Variants in DYRK4 observed in about 807,000 individuals in gnomAD.
The protein encoded by DYRK4 is dual specificity tyrosine-phosphorylation-regulated kinase 4.
A neutral mutation model predicts 68.3 loss-of-function variants in DYRK4; 64 were observed. The ratio of observed to expected loss-of-function variants is 0.94; its 90% CI spans 0.77 to 1.15. DYRK4 has a LOEUF of 1.15. Among genes scored for constraint, DYRK4 ranks in the 50% most tolerant of loss-of-function variants. DYRK4 has a pLI of 0.00. For synonymous variants in DYRK4, 274 were observed against 289.9 expected (o/e 0.95, Z 0.56); for missense variants, 740 against 764.7 (o/e 0.97, Z 0.38).
intron 10 of DYRK4, chr12:4,602,247 G>T: frequency 9.3e-7 from 1 of 1,070,260 alleles, no homozygotes; most frequent in Non-Finnish European, 1.4e-6. Flanking sequence ...TCATTTCTAA[G>T]ACCTGCTCTC....
rs1025805807 is a variant in DYRK4, at chr12:4,596,178, T to C, written c.657T>C (p.Tyr219=). Residue 219 remains tyrosine (Y), a synonymous_variant, in exon 7 of 15, where the codon TAT becomes TAC. Transcript: ENST00000543431. ...TGCATGATCACATTGCCTACCGCTA[T>C]GAAGTTCTGGAGACAATCGGGAAGG... is the stretch of plus-strand genomic sequence containing the variant. The part of the protein sequence containing the change: ...KVLHDHIAYR[Y]EVLETIGKGS... 1.9e-6 allele frequency: 3 copies of C among 1,614,074 alleles called. No individual in the cohort carries two copies. Among genetic ancestry groups the C allele is most frequent in the Non-Finnish European group, 2.5e-6 (3 of 1,180,030 alleles).
chr12:4,562,343 C>A, intron 1 of DYRK4, 60 bp downstream of exon 1: 1 of 1,500,108 alleles, frequency 6.7e-7, no homozygotes, highest in Non-Finnish European at 8.9e-7. Context: ...AGGCAGGCGA[C>A]GAAGCTTCTG....
chr12:4,605,729 G>T (rs79721958), intron 11 of DYRK4, among the ~76,000 whole-genome samples: 11,315 of 102,050 alleles, frequency 0.11, 770 homozygotes, highest in Non-Finnish European at 0.15. Flanking sequence ...ATAGAGCTGG[G>T]TTTTTTTTTT....
chr12:4,594,056 A>G (rs984900373), intron 6 of DYRK4, among the ~76,000 whole-genome samples: 4 of 152,144 alleles, frequency 2.6e-5, no homozygotes, highest in Non-Finnish European at 4.4e-5. Flanking sequence ...TTGAGAAGCA[A>G]GGATTTCGTT....
chr12:4,612,781 G>C, intron 14 of DYRK4, 63 bp downstream of exon 14: 1 of 1,559,728 alleles, frequency 6.4e-7, no homozygotes, highest in African/African-American at 1.4e-5. Context: ...CTAGAATTCT[G>C]TAAATCTCCT....
At chr12:4,582,425 C>G (rs540527410) in intron 2 of DYRK4, among the ~76,000 whole-genome samples, 2 of 151,712 alleles carry the variant, frequency 1.3e-5, no homozygotes, top group East Asian at 3.9e-4. Flanking sequence ...GCAATAAGAG[C>G]GAAACTCCAT....
intron 6 of DYRK4, among the ~76,000 whole-genome samples, chr12:4,594,818 C>G (rs1326129308): frequency 6.6e-6 from 1 of 151,920 alleles, no homozygotes; most frequent in African/African-American, 2.4e-5. Context: ...CAAATACATA[C>G]TGCACACAGC....
intron 10 of DYRK4, chr12:4,602,919 C>A (rs1341171330): frequency 2.3e-6 from 2 of 879,516 alleles, no homozygotes; most frequent in Non-Finnish European, 1.8e-6. Context: ...GTATTAGTGT[C>A]TTTTAGTGGA....
At chr12:4,578,883 A>G (rs1295099938) in intron 2 of DYRK4, among the ~76,000 whole-genome samples, 1 of 152,196 alleles carries the variant, frequency 6.6e-6, no homozygotes, top group Non-Finnish European at 1.5e-5. Flanking sequence ...TCTTTTACAA[A>G]TCATCCCATA....
intron 5 of DYRK4, chr12:4,592,528 A>G (rs11063251): frequency 0.09 from 13,736 of 152,454 alleles, 770 homozygotes; most frequent in South Asian, 0.15. Flanking sequence ...GTCCTTCCTG[A>G]TCCAGCTGCA....
At chr12:4,604,243 C>T (rs768621425) in intron 10 of DYRK4, among the ~76,000 whole-genome samples, 1 of 152,164 alleles carries the variant, frequency 6.6e-6, no homozygotes, top group Non-Finnish European at 1.5e-5. Context: ...GGGAAGCAGG[C>T]AGGATATAAA....
intron 1 of DYRK4, among the ~76,000 whole-genome samples, chr12:4,564,914 A>C (rs1033618622): frequency 6.6e-6 from 1 of 152,224 alleles, no homozygotes; most frequent in Non-Finnish European, 1.5e-5. Flanking sequence ...ATTAAATGAC[A>C]CTAAAGCTCT....
At position 4,592,890 on chromosome 12, in the gene DYRK4, AGCTGGGGAACAG is replaced by A. The variant is rs775813482; in HGVS notation, c.464-107_464-96del. 889 of 1,359,766 alleles carry A rather than the reference AGCTGGGGAACAG, an allele frequency of 6.5e-4. 3 individuals are homozygous for A. The highest frequency in any genetic ancestry group is 7.0e-4 in the Non-Finnish European group (695 of 997,034). The allele number at this position is 1,359,766 out of a possible 1,614,324, so 84.2% of individuals were successfully genotyped here. On this transcript the variant is annotated intron_variant, in intron 5 of 14. Coordinates refer to ENST00000543431, the MANE Select transcript of DYRK4 (RefSeq NM_001394779.1). Reference sequence around the variant, plus strand: ...ATGCAGGGTCCTCAGTGAGCCACCCAGCTGGGGAACAGGCTGATGGCTCGTGACCTGGAAGGG... The same window carrying A: ...ATGCAGGGTCCTCAGTGAGCCACCCAGCTGATGGCTCGTGACCTGGAAGGG...
rs1945093881 is a variant in DYRK4, at chr12:4,602,583, GACA to G, written c.1127-2327_1127-2325del. ...ACGGCTCTCCTGTTGATGAGTGAGTGACAACATCAATCTTTGCTGCAGAATCTT... is the reference window on the plus strand; with the variant it reads ...ACGGCTCTCCTGTTGATGAGTGAGTGACATCAATCTTTGCTGCAGAATCTT... On this transcript the variant is annotated intron_variant, in intron 10 of 14. Coordinates refer to ENST00000543431, the MANE Select transcript of DYRK4 (RefSeq NM_001394779.1). 10 of 1,304,350 alleles carry G rather than the reference GACA, an allele frequency of 7.7e-6. No individual in the cohort carries two copies. In the Admixed American group the frequency reaches 1.7e-4, roughly 22 times the overall value. 80.8% of individuals were successfully genotyped at this position (1,304,350 alleles called of 1,614,324 possible).
chr12:4,581,809 C>A (rs573930983), intron 2 of DYRK4, among the ~76,000 whole-genome samples: 1 of 152,168 alleles, frequency 6.6e-6, no homozygotes, highest in Non-Finnish European at 1.5e-5. Flanking sequence ...TATTTAAGTG[C>A]CTACTACAGG....
chr12:4,594,705 A>G (rs1565538718), intron 6 of DYRK4, among the ~76,000 whole-genome samples: 1 of 120,552 alleles, frequency 8.3e-6, no homozygotes, highest in African/African-American at 3.4e-5. Flanking sequence ...AATCTTAGAA[A>G]AGCCTTTTTT....
intron 3 of DYRK4, 157 bp from the exon 4 acceptor site, chr12:4,590,173 G>T (rs1944937495): frequency 1.4e-6 from 2 of 1,390,604 alleles, no homozygotes; most frequent in Non-Finnish European, 9.3e-7. Flanking sequence ...TCTGGAATCT[G>T]CATTTCTTGC....
intron 6 of DYRK4, 65 bp from the exon 7 acceptor site, chr12:4,596,084 G>A (rs1591800906): frequency 2.6e-6 from 4 of 1,563,794 alleles, no homozygotes; most frequent in East Asian, 4.5e-5. Context: ...GAATGCCAGG[G>A]CCATGTACCA....
At chr12:4,604,154 A>T (rs1234234325) in intron 10 of DYRK4, among the ~76,000 whole-genome samples, 1 of 152,260 alleles carries the variant, frequency 6.6e-6, no homozygotes, top group Non-Finnish European at 1.5e-5. Flanking sequence ...CACATACTAA[A>T]CATAATGTAA....
Sources: gnomAD v4.1 joint callset for allele counts (sites outside exome capture counted in the v4.1 genomes callset) on GRCh38, gnomAD v4.1.1 for gene constraint, MANE v1.5 for transcripts, NCBI Gene and HGNC (gene_info 2026-07-23, HGNC 2026-07-21) for gene names.